Variants in POMC observed in about 807,000 individuals in gnomAD.
The protein encoded by POMC is proopiomelanocortin, also known as pro-opiomelanocortin.
In POMC, 19 loss-of-function variants were observed where a neutral mutation model predicts 18.5. That is an observed-to-expected ratio of 1.03 (90% CI 0.72 to 1.51). POMC has a LOEUF of 1.51. Ranked by LOEUF, POMC falls within the 40% of genes most tolerant of loss-of-function variation. POMC has a pLI of 0.00. For missense variants in POMC, 451 were observed against 379.0 expected, an observed-to-expected ratio of 1.19 and a Z score of -1.58; for synonymous variants, 179 against 161.9, an observed-to-expected ratio of 1.11 and a Z score of -0.80.
chr2:25,167,770 C>G (rs1671606088), intron 1 of POMC, among the ~76,000 whole-genome samples: 1 of 152,172 alleles, frequency 6.6e-6, no homozygotes, highest in Non-Finnish European at 1.5e-5. Context: ...CTCTGCTGCC[C>G]CGTTTCCAAC....
In POMC at chr2:25,161,174, G is replaced by A. The variant is rs1671338860; in HGVS notation, c.711C>T (p.Tyr237=). 4 of 1,613,898 alleles carry A rather than the reference G, an allele frequency of 2.5e-6. No individual in the cohort carries two copies. The highest frequency in any genetic ancestry group is 2.5e-6 in the Non-Finnish European group (3 of 1,180,008). The change falls in exon 3 of 3, where the codon TAC becomes TAT. Residue 237 remains tyrosine (Y), a synonymous_variant. Transcript: ENST00000395826. This position sits in a 1 kb window ranked among gnomAD's most constrained non-coding sequence, Gnocchi z 5.7. ...RWGSPPKDKR[Y]GGFMTSEKSQ... The stretch of plus-strand genomic sequence containing the variant: ...TCTTCTCGGAGGTCATGAAACCGCC[G>A]TAGCGCTTGTCCTTGGGCGGGCTGC...
chr2:25,167,646 T>C (rs1671602096), intron 1 of POMC, among the ~76,000 whole-genome samples: 1 of 152,152 alleles, frequency 6.6e-6, no homozygotes, highest in Admixed American at 6.5e-5. Flanking sequence ...ATCATGTAAT[T>C]ATCATAGCGC....
intron 2 of POMC, among the ~76,000 whole-genome samples, chr2:25,164,001 C>T (rs1671473478): frequency 6.6e-6 from 1 of 152,114 alleles, no homozygotes; most frequent in Admixed American, 6.6e-5. Flanking sequence ...ACACACCCCC[C>T]ACAGGCAGAT....
intron 1 of POMC, among the ~76,000 whole-genome samples, chr2:25,166,202 GGCTGAGCATTTTC>G (rs1671547994): frequency 1.3e-5 from 2 of 152,208 alleles, no homozygotes; most frequent in Non-Finnish European, 2.9e-5. Context: ...TGCCGGGCAA[GGCTGAGCATTTTC>G]AGAGCAGCCA....
chr2:25,165,635 C>T (rs1671529964), intron 1 of POMC: 1 of 152,162 alleles, frequency 6.6e-6, no homozygotes, highest in Non-Finnish European at 1.5e-5. Context: ...AAGGGAATTA[C>T]CTCCTGGTGG....
In POMC at chr2:25,161,254, C is replaced by A. The variant is rs750515840; in HGVS notation, c.631G>T (p.Val211Leu). ...AQADLEHSLL[V>L]AAEKKDEGPY... The stretch of plus-strand genomic sequence containing the variant: ...CCCTCGTCCTTCTTCTCGGCCGCCA[C>A]CAGCAGGCTGTGCTCCAGGTCGGCC... Residue 211 changes from valine to leucine, a missense_variant, in exon 3 of 3, where the codon GTG becomes TTG. Physicochemically the swap from Val to Leu is conservative, Grantham distance 32 (BLOSUM62 1). Transcript: ENST00000395826. The surrounding 1 kb of genome is among the most constrained non-coding windows in gnomAD (Gnocchi z 5.7). 6.2e-7 allele frequency: 1 copy of A among 1,612,272 alleles called. No homozygotes were observed. The highest frequency in any genetic ancestry group is 1.1e-5 in the South Asian group (1 of 90,862).
At position 25,161,326 on chromosome 2, in the gene POMC, C is replaced by G; in HGVS notation, c.559G>C (p.Glu187Gln). Residue 187 changes from glutamate (E) to glutamine (Q), a missense_variant, in exon 3 of 3, where the codon GAG becomes CAG. Transcript: ENST00000395826. The surrounding 1 kb of genome is among the most constrained non-coding windows in gnomAD (Gnocchi z 5.7). The part of the protein sequence containing the change: ...KRELTGQRLR[E>Q]GDGPDGPADD... ...GCAGGGCCGTCGGGGCCATCTCCCT[C>G]CCGGAGTCGCTGGCCAGTCAGCTCC... is the stretch of plus-strand genomic sequence containing the variant. 6.2e-7 allele frequency: 1 copy of G among 1,606,832 alleles called. No homozygotes were observed. Among genetic ancestry groups the G allele is most frequent in the East Asian group, 2.2e-5 (1 of 44,564 alleles).
At chr2:25,167,585 AG>A (rs920256420) in intron 1 of POMC, among the ~76,000 whole-genome samples, 55 of 152,254 alleles carry the variant, frequency 3.6e-4, no homozygotes, top group African/African-American at 1.3e-3. Context: ...AACCCCAGCT[AG>A]GTCTTGGAGA....
chr2:25,161,629 G>C lies in POMC; in HGVS notation c.256C>G (p.Arg86Gly), dbSNP rs1181875747. 2.6e-6 allele frequency: 4 copies of C among 1,551,870 alleles called. No individual in the cohort carries two copies. In the East Asian group the frequency reaches 7.3e-5, roughly 28 times the overall value. ...CTGCTGCTGTTGCGGCGGCCGAATC[G>C]GTCCCAGCGGAAGTGGCCCATGACG... ...KYVMGHFRWD[R>G]FGRRNSSSSG... is the part of the protein sequence containing the mutation. The change falls in exon 3 of 3, where the codon CGA becomes GGA. Residue 86 changes from arginine (R) to glycine (G), a missense_variant. Transcript: ENST00000395826. This position sits in a 1 kb window ranked among gnomAD's most constrained non-coding sequence, Gnocchi z 5.7.
At chr2:25,162,896 T>C (rs1671440510) in intron 2 of POMC, among the ~76,000 whole-genome samples, 1 of 152,184 alleles carries the variant, frequency 6.6e-6, no homozygotes, top group Non-Finnish European at 1.5e-5. Flanking sequence ...GGCAAGCTTA[T>C]TTCCCTGTAA....
intron 1 of POMC, among the ~76,000 whole-genome samples, chr2:25,167,441 TTC>T (rs1671593488): frequency 6.6e-6 from 1 of 152,176 alleles, no homozygotes; most frequent in Non-Finnish European, 1.5e-5. Context: ...GCCTTGATCA[TTC>T]CAAATGGCTG....
rs761284257 is a variant in POMC, at chr2:25,161,061, C to T, written c.*20G>A. 1 of 1,613,944 alleles carries T rather than the reference C, an allele frequency of 6.2e-7. No individual in the cohort carries two copies. The highest frequency in any genetic ancestry group is 1.7e-4 in the Middle Eastern group (1 of 6,058). On this transcript the variant is annotated 3_prime_UTR_variant, in exon 3 of 3. Coordinates refer to ENST00000395826, the MANE Select transcript of POMC (RefSeq NM_000939.4). This position sits in a 1 kb window ranked among gnomAD's most constrained non-coding sequence, Gnocchi z 5.7. ...GGTCGACCTCCTGGGGGAGGGTAGC[C>T]CTGGGGCCCCGCTGTGCCCTCACTC...
Position 25,168,138 on chromosome 2 carries a change from G to T in POMC, c.-21+360C>A, listed in dbSNP as rs774413136. Among the ~76,000 whole-genome samples the T allele has an allele frequency of 6.8e-6, 1 of 147,436 alleles. No homozygotes were observed. Among genetic ancestry groups the T allele is most frequent in the Non-Finnish European group, 1.5e-5 (1 of 67,312 alleles). On this transcript the variant is annotated intron_variant, in intron 1 of 2. Transcript: ENST00000395826. The surrounding 1 kb of genome is among the most constrained non-coding windows in gnomAD (Gnocchi z 5.2). ...CTTTGCTCTCCAGCATGGGCAACAA[G>T]AGCGAAACTCCGTCTCAAAAAAAAA... is the stretch of plus-strand genomic sequence containing the variant.
chr2:25,160,990 C>G lies in POMC; in HGVS notation c.*91G>C, dbSNP rs1051624525. The G allele has an allele frequency of 1.3e-6, 2 of 1,576,262 alleles. No homozygotes were observed. Among genetic ancestry groups the G allele is most frequent in the African/African-American group, 1.4e-5 (1 of 73,282 alleles). On this transcript the variant is annotated 3_prime_UTR_variant, in exon 3 of 3. Coordinates refer to ENST00000395826, the MANE Select transcript of POMC (RefSeq NM_000939.4). ...AGGCTGATTATCTGCCACGACCCCCCAGGCTGGGAGGCGGCAGCAGGGCAG... is the reference window on the plus strand; with the variant it reads ...AGGCTGATTATCTGCCACGACCCCCGAGGCTGGGAGGCGGCAGCAGGGCAG...
Position 25,161,392 on chromosome 2 carries a change from C to A in POMC, c.493G>T (p.Glu165Ter). ...RPVKVYPNGA[E>*]DESAEAFPLE... is the part of the protein sequence containing the mutation. ...GGGAAGGCCTCGGCCGACTCGTCCT[C>A]GGCGCCGTTAGGGTACACCTTCACT... Residue 165 changes from glutamate (E) to a stop codon, truncating the protein, a stop_gained, in exon 3 of 3, where the codon GAG (glutamate) becomes TAG (stop). Transcript: ENST00000395826. LOFTEE classifies it high-confidence loss of function. This position sits in a 1 kb window ranked among gnomAD's most constrained non-coding sequence, Gnocchi z 5.7. 6.2e-7 allele frequency: 1 copy of A among 1,608,652 alleles called. No individual in the cohort carries two copies. The highest frequency in any genetic ancestry group is 1.1e-5 in the South Asian group (1 of 90,034).
intron 2 of POMC, among the ~76,000 whole-genome samples, chr2:25,163,614 TG>T (rs1279139740): frequency 6.6e-6 from 1 of 152,178 alleles, no homozygotes; most frequent in African/African-American, 2.4e-5. Flanking sequence ...ACTAACAGTA[TG>T]GGGGTTTGTT....
intron 2 of POMC, among the ~76,000 whole-genome samples, chr2:25,163,369 G>A (rs1166203365): frequency 2.0e-5 from 3 of 152,216 alleles, no homozygotes; most frequent in Non-Finnish European, 4.4e-5. Flanking sequence ...TGCTGTGGGT[G>A]TCTCAAGTCA....
At chr2:25,167,753 T>C (rs1366710311) in intron 1 of POMC, among the ~76,000 whole-genome samples, 4 of 152,188 alleles carry the variant, frequency 2.6e-5, no homozygotes, top group African/African-American at 9.7e-5. Context: ...ATGACTTTTA[T>C]CCTTTTCTCT....
In POMC at chr2:25,163,333, T is replaced by C. The variant is rs78674761; in HGVS notation, c.132+1308A>G. Among the ~76,000 whole-genome samples the C allele has an allele frequency of 7.2e-5, 11 of 152,356 alleles. No homozygotes were observed. In the East Asian group the frequency reaches 2.1e-3, roughly 29 times the overall value. On this transcript the variant is annotated intron_variant, in intron 2 of 2. Coordinates refer to ENST00000395826, the MANE Select transcript of POMC (RefSeq NM_000939.4). ...CTAGAACCCATGGGTCCTGACTGTG[T>C]CCAGTGCACCCTCCCTGGTGAGCTG... is the stretch of plus-strand genomic sequence containing the variant.
Sources: gnomAD v4.1 joint callset for allele counts (sites outside exome capture counted in the v4.1 genomes callset) on GRCh38, gnomAD v4.1.1 for gene constraint, Gnocchi (gnomAD v3.1) non-coding constraint, MANE v1.5 for transcripts, NCBI Gene and HGNC (gene_info 2026-07-23, HGNC 2026-07-21) for gene names.